NIPA1: variants seen among roughly 807,000 people sequenced by gnomAD.
The protein encoded by NIPA1 is magnesium transporter NIPA1.
Under a neutral mutation model 23.9 loss-of-function variants are expected in NIPA1, and 13 were observed. That is an observed-to-expected ratio of 0.54 (90% CI 0.35 to 0.87). The LOEUF (loss-of-function observed/expected upper bound fraction) is 0.87. Ranked by LOEUF, NIPA1 falls within the 40% of genes least tolerant of loss-of-function variation. NIPA1 has a pLI of 0.01. For missense variants in NIPA1, 362 were observed against 429.7 expected, an observed-to-expected ratio of 0.84 and a Z score of 1.39; for synonymous variants, 234 against 202.9, an observed-to-expected ratio of 1.15 and a Z score of -1.30.
intron 3 of NIPA1, among the ~76,000 whole-genome samples, chr15:22,814,547 T>C (rs1352678958): frequency 6.6e-6 from 1 of 151,746 alleles, no homozygotes; most frequent in East Asian, 2.0e-4. Context: ...CTGTTCTTGA[T>C]AATGGGATGG....
intron 4 of NIPA1, among the ~76,000 whole-genome samples, chr15:22,823,215 A>AT (rs111286012): frequency 2.1e-3 from 229 of 107,916 alleles, no homozygotes; most frequent in Middle Eastern, 0.014. Flanking sequence ...CCTTCTGTAA[A>AT]TTTTTTTTTT....
chr15:22,820,891 T>G (rs1262988731), intron 4 of NIPA1, among the ~76,000 whole-genome samples: 1 of 151,854 alleles, frequency 6.6e-6, no homozygotes, highest in Non-Finnish European at 1.5e-5. Context: ...AGCGTGAAGC[T>G]CTGTGAGAAC....
At chr15:22,810,493 G>T (rs180772621) in intron 1 of NIPA1, among the ~76,000 whole-genome samples, 2 of 152,116 alleles carry the variant, frequency 1.3e-5, no homozygotes, top group Non-Finnish European at 2.9e-5. Flanking sequence ...AAAGAAAACT[G>T]ATGTATAAAG....
intron 4 of NIPA1, among the ~76,000 whole-genome samples, chr15:22,821,948 C>T (rs1245525473): frequency 6.6e-6 from 1 of 152,156 alleles, no homozygotes; most frequent in Non-Finnish European, 1.5e-5. Context: ...AACAAAACAT[C>T]CCTTTCAATA....
chr15:22,808,320 C>G (rs1391998773), intron 1 of NIPA1, among the ~76,000 whole-genome samples: 1 of 152,232 alleles, frequency 6.6e-6, no homozygotes, highest in Non-Finnish European at 1.5e-5. Flanking sequence ...GCTAAACTTT[C>G]TGCTTCATAG....
At chr15:22,816,425 G>A (rs939234587) in intron 3 of NIPA1, among the ~76,000 whole-genome samples, 1 of 148,532 alleles carries the variant, frequency 6.7e-6, no homozygotes, top group African/African-American at 2.5e-5. Flanking sequence ...CTGACCTTGT[G>A]GTCTGCCTGC....
At chr15:22,814,846 C>T (rs919423665) in intron 3 of NIPA1, among the ~76,000 whole-genome samples, 1 of 152,208 alleles carries the variant, frequency 6.6e-6, no homozygotes, top group Non-Finnish European at 1.5e-5. Context: ...ACCCACTTGC[C>T]TCATCATACA....
intron 3 of NIPA1, among the ~76,000 whole-genome samples, chr15:22,814,944 G>T (rs1208948510): frequency 6.6e-6 from 1 of 152,118 alleles, no homozygotes; most frequent in Non-Finnish European, 1.5e-5. Flanking sequence ...TCTGTGCATT[G>T]TGAGGTGTTT....
intron 1 of NIPA1, among the ~76,000 whole-genome samples, chr15:22,794,937 C>T (rs904475675): frequency 1.6e-4 from 24 of 152,220 alleles, no homozygotes; most frequent in African/African-American, 5.5e-4. Flanking sequence ...ATTTGCATTC[C>T]CCCCCATCCC....
chr15:22,824,239 G>C lies in NIPA1; in HGVS notation c.990G>C (p.Ter330TyrextTer20). 6.2e-7 allele frequency: 1 copy of C among 1,612,636 alleles called. No homozygotes were observed. Among genetic ancestry groups the C allele is most frequent in the Non-Finnish European group, 8.5e-7 (1 of 1,178,598 alleles). ...ACAAATCTAATATGAAAACAGACTAGATTGCAATAGGAGCTTGGATGGTTC... is the reference window on the plus strand; with the variant it reads ...ACAAATCTAATATGAAAACAGACTACATTGCAATAGGAGCTTGGATGGTTC... ...EMNKSNMKTD[*>Y] Residue 330 changes from the stop codon to tyrosine, a stop_lost, in exon 5 of 5, where the codon TAG becomes TAC. Transcript: ENST00000337435. This position sits in a 1 kb window ranked among gnomAD's most constrained non-coding sequence, Gnocchi z 4.1.
chr15:22,799,623 A>T (rs1211817677), intron 1 of NIPA1, among the ~76,000 whole-genome samples: 50 of 152,020 alleles, frequency 3.3e-4, no homozygotes, highest in Non-Finnish European at 1.3e-4. Flanking sequence ...TCTACTAAAA[A>T]TACAAAAAAT....
intron 1 of NIPA1, among the ~76,000 whole-genome samples, chr15:22,796,519 G>C (rs1894940798): frequency 6.6e-6 from 1 of 151,078 alleles, no homozygotes. Context: ...GATCAGGCTG[G>C]TCTCCCACTC....
intron 1 of NIPA1, among the ~76,000 whole-genome samples, chr15:22,795,759 C>G (rs1894928107): frequency 6.6e-6 from 1 of 152,082 alleles, no homozygotes; most frequent in African/African-American, 2.4e-5. Flanking sequence ...GATGTGAATG[C>G]CAGGGGCAAG....
In NIPA1 at chr15:22,808,040, C is replaced by T. The variant is rs183096152; in HGVS notation, c.179-2709C>T. On this transcript the variant is annotated intron_variant, in intron 1 of 4. Transcript: ENST00000337435. ...TCCTGACCTTGTGATCCACCAACTT[C>T]GGCCTCGCAAAGTGCTGGGATTACA... 6.4e-3 allele frequency among the ~76,000 whole-genome samples: 970 copies of T among 152,146 alleles called. 14 individuals carry two copies. The highest frequency in any genetic ancestry group is 0.034 in the South Asian group (164 of 4,820).
chr15:22,808,350 G>A (rs1020312669), intron 1 of NIPA1, among the ~76,000 whole-genome samples: 7 of 152,206 alleles, frequency 4.6e-5, no homozygotes, highest in Non-Finnish European at 8.8e-5. Context: ...GGTCCTGTTT[G>A]TATTAGATAC....
At chr15:22,787,384 C>A (rs1220878008) in intron 1 of NIPA1, among the ~76,000 whole-genome samples, 1 of 152,226 alleles carries the variant, frequency 6.6e-6, no homozygotes, top group African/African-American at 2.4e-5. Flanking sequence ...AAGACCCGGG[C>A]GGGCTCTCAG....
intron 4 of NIPA1, 97 bp downstream of exon 4, chr15:22,820,570 A>T: frequency 1.1e-6 from 1 of 902,170 alleles, no homozygotes; most frequent in Non-Finnish European, 1.9e-6. Context: ...GGCAGGGCAG[A>T]GGAACCGTGT....
rs1375431222 is a variant in NIPA1, at chr15:22,824,575, GGTTA to G, written c.*340_*343del. ...AAACAGAAAAAGATGGGCTCTTTCT[GGTTA>G]GTTGTTACATGATAGCAGAGATATT... On this transcript the variant is annotated 3_prime_UTR_variant, in exon 5 of 5. Coordinates refer to ENST00000337435, the MANE Select transcript of NIPA1 (RefSeq NM_144599.5). This position sits in a 1 kb window ranked among gnomAD's most constrained non-coding sequence, Gnocchi z 4.1. 2.4e-5 allele frequency: 8 copies of G among 328,158 alleles called. 1 individual carries two copies. The highest frequency in any genetic ancestry group is 1.4e-4 in the Admixed American group (3 of 22,122). The allele number at this position is 328,158 out of a possible 1,614,324, so 20.3% of individuals were successfully genotyped here.
At chr15:22,788,662 T>C (rs1270991808) in intron 1 of NIPA1, among the ~76,000 whole-genome samples, 1 of 152,024 alleles carries the variant, frequency 6.6e-6, no homozygotes, top group Non-Finnish European at 1.5e-5. Flanking sequence ...TTAGTTAGTT[T>C]TCTAAAAAGT....
Sources: gnomAD v4.1 joint callset for allele counts (sites outside exome capture counted in the v4.1 genomes callset) on GRCh38, gnomAD v4.1.1 for gene constraint, Gnocchi (gnomAD v3.1) non-coding constraint, MANE v1.5 for transcripts, NCBI Gene and HGNC (gene_info 2026-07-23, HGNC 2026-07-21) for gene names.